The following SLC4A10 variants were observed in gnomAD, a reference collection of about 807,000 sequenced individuals.
The protein encoded by SLC4A10 is solute carrier family 4 member 10.
In SLC4A10, 42 loss-of-function variants were observed where a neutral mutation model predicts 137.7. That is an observed-to-expected ratio of 0.30 (90% CI 0.24 to 0.39). The LOEUF (loss-of-function observed/expected upper bound fraction) is 0.39. Among genes scored for constraint, SLC4A10 ranks in the 10% least tolerant of loss-of-function variants. SLC4A10 has a pLI of 1.00. For missense variants in SLC4A10, 925 were observed against 1,355.0 expected (o/e 0.68, Z 4.98); for synonymous variants, 474 against 464.1 (o/e 1.02, Z -0.27).
chr2:161,934,036 CAGTA>C (rs1289055594), intron 15 of SLC4A10, among the ~76,000 whole-genome samples: 1 of 152,096 alleles, frequency 6.6e-6, no homozygotes, highest in African/African-American at 2.4e-5. Flanking sequence ...TTTGTGCACA[CAGTA>C]AGTGTGTATA....
intron 2 of SLC4A10, among the ~76,000 whole-genome samples, chr2:161,780,509 C>T (rs1230035902): frequency 6.6e-6 from 1 of 151,964 alleles, no homozygotes; most frequent in Non-Finnish European, 1.5e-5. Context: ...TAATGAAAAG[C>T]TCAGTACCAG....
At chr2:161,857,522 G>T (rs2060172977) in intron 5 of SLC4A10, among the ~76,000 whole-genome samples, 1 of 152,110 alleles carries the variant, frequency 6.6e-6, no homozygotes, top group Non-Finnish European at 1.5e-5. Flanking sequence ...TCATTACTAA[G>T]AAGAGATTTC....
intron 1 of SLC4A10, among the ~76,000 whole-genome samples, chr2:161,753,712 C>CT (rs2049249822): frequency 6.6e-6 from 1 of 152,014 alleles, no homozygotes; most frequent in Non-Finnish European, 1.5e-5. Context: ...TGTTATTTCA[C>CT]TTTCCTTCTG....
At chr2:161,771,273 T>G (rs1559213212) in intron 2 of SLC4A10, among the ~76,000 whole-genome samples, 1 of 151,888 alleles carries the variant, frequency 6.6e-6, no homozygotes, top group Non-Finnish European at 1.5e-5. Flanking sequence ...AGACATTTAT[T>G]GAATCCCTAC....
chr2:161,665,675 A>C (rs2038957072), intron 1 of SLC4A10, among the ~76,000 whole-genome samples: 1 of 151,538 alleles, frequency 6.6e-6, no homozygotes, highest in African/African-American at 2.4e-5. Flanking sequence ...ATTTATTTTT[A>C]TTTTCAAAAA....
intron 1 of SLC4A10, among the ~76,000 whole-genome samples, chr2:161,739,023 AAC>A (rs2047621723): frequency 6.6e-6 from 1 of 152,216 alleles, no homozygotes; most frequent in Non-Finnish European, 1.5e-5. Context: ...AAGATTTAAA[AAC>A]ACAGTTACAC....
chr2:161,881,500 G>A (rs1235584974), intron 9 of SLC4A10, among the ~76,000 whole-genome samples: 3 of 151,996 alleles, frequency 2.0e-5, no homozygotes, highest in African/African-American at 7.2e-5. Context: ...ACAACTAAAT[G>A]AGGAGTAGAA....
chr2:161,781,124 A>T (rs550350006), intron 2 of SLC4A10, among the ~76,000 whole-genome samples: 1 of 152,160 alleles, frequency 6.6e-6, no homozygotes, highest in African/African-American at 2.4e-5. Context: ...TAGTATCTTG[A>T]GCTTTCAGAA....
At chr2:161,935,912 A>G (rs748431480) in intron 15 of SLC4A10, among the ~76,000 whole-genome samples, 13 of 152,102 alleles carry the variant, frequency 8.5e-5, no homozygotes, top group Non-Finnish European at 1.6e-4. Context: ...ATAAGATATT[A>G]GCTGTGGGTT....
chr2:161,936,844 C>T (rs1326941464), intron 15 of SLC4A10, among the ~76,000 whole-genome samples: 1 of 152,016 alleles, frequency 6.6e-6, no homozygotes, highest in Non-Finnish European at 1.5e-5. Flanking sequence ...TATTTCTGCT[C>T]TGATTATTAT....
chr2:161,874,153 T>C (rs771364550), intron 8 of SLC4A10, 148 bp downstream of exon 8: 7 of 809,290 alleles, frequency 8.6e-6, no homozygotes, highest in East Asian at 8.5e-5. Flanking sequence ...TCTTCATTCA[T>C]CTGCAAGTTG....
At chr2:161,908,536 T>C (rs1253597454) in intron 15 of SLC4A10, among the ~76,000 whole-genome samples, 4 of 150,808 alleles carry the variant, frequency 2.7e-5, no homozygotes, top group Non-Finnish European at 3.0e-5. Context: ...TGTATACATA[T>C]GTAACAAACC....
intron 9 of SLC4A10, among the ~76,000 whole-genome samples, chr2:161,881,430 T>C (rs62188792): frequency 0.068 from 10,398 of 152,086 alleles, 460 homozygotes; most frequent in East Asian, 0.13. Flanking sequence ...AATATTGTCA[T>C]ATCCTCTACA....
chr2:161,894,741 G>A lies in SLC4A10; in HGVS notation c.1257G>A (p.Glu419=). ...ATGACTTGGTATCAGGAATTGATGAGTTTCTGGATCAGGTTACTGTTCTCC... is the reference window on the plus strand; with the variant it reads ...ATGACTTGGTATCAGGAATTGATGAATTTCTGGATCAGGTTACTGTTCTCC... The part of the protein sequence containing the change: ...DRNDLVSGID[E]FLDQVTVLPP... The change falls in exon 11 of 27, where the codon GAG becomes GAA. Residue 419 remains glutamate, a synonymous_variant. Coordinates refer to ENST00000446997, the MANE Select transcript of SLC4A10 (RefSeq NM_001178015.2). 1 of 1,448,206 alleles carries A rather than the reference G, an allele frequency of 6.9e-7. No individual in the cohort carries two copies. Among genetic ancestry groups the A allele is most frequent in the Non-Finnish European group, 9.2e-7 (1 of 1,089,930 alleles). The allele number at this position is 1,448,206 out of a possible 1,614,324, so 89.7% of individuals were successfully genotyped here. A position where few individuals can be genotyped will look rare whatever the true frequency, so the allele number is the denominator to read the frequency against.
chr2:161,835,773 G>A (rs2058727221), intron 3 of SLC4A10, among the ~76,000 whole-genome samples: 1 of 152,188 alleles, frequency 6.6e-6, no homozygotes, highest in Non-Finnish European at 1.5e-5. Context: ...ATATCCTGCT[G>A]TACCTGATCT....
intron 1 of SLC4A10, among the ~76,000 whole-genome samples, chr2:161,637,057 G>GTA (rs1472671088): frequency 4.5e-4 from 66 of 145,314 alleles, no homozygotes; most frequent in Non-Finnish European, 9.0e-4. Context: ...AGATATATAT[G>GTA]TATATATCTA....
intron 1 of SLC4A10, among the ~76,000 whole-genome samples, chr2:161,669,062 C>T (rs954316771): frequency 3.3e-5 from 5 of 151,822 alleles, no homozygotes; most frequent in African/African-American, 1.2e-4. Flanking sequence ...TGCCTTCTGT[C>T]AGTATTTGTG....
In SLC4A10 at chr2:161,794,963, C is replaced by CA. The variant is rs920222699; in HGVS notation, c.131-9476dup. ...CATAGTTTTCATCAAAAGTGTCCTG[C>CA]AAAAAAAAAACATTGAAAAATGAGA... On this transcript the variant is annotated intron_variant, in intron 2 of 26. Transcript: ENST00000446997. Among the ~76,000 whole-genome samples the CA allele has an allele frequency of 7.7e-4, 109 of 141,180 alleles. 1 individual carries two copies. The highest frequency in any genetic ancestry group is 1.4e-3 in the East Asian group (7 of 4,906). 92.6% of individuals were successfully genotyped at this position (141,180 alleles called of 152,430 possible). A position where few individuals can be genotyped will look rare whatever the true frequency, so the allele number is the denominator to read the frequency against.
chr2:161,806,700 T>G (rs935903304), intron 3 of SLC4A10, among the ~76,000 whole-genome samples: 6 of 152,126 alleles, frequency 3.9e-5, no homozygotes, highest in Non-Finnish European at 7.4e-5. Flanking sequence ...TGCCTGGACC[T>G]TATTGTCCAT....
Sources: allele counts gnomAD v4.1 joint callset (sites outside exome capture counted in the v4.1 genomes callset), GRCh38; gene constraint gnomAD v4.1.1; transcripts MANE v1.5; gene names NCBI Gene and HGNC (gene_info 2026-07-23, HGNC 2026-07-21).